The following ACVR1C variants were observed in gnomAD, a reference collection of about 807,000 sequenced individuals.
ACVR1C encodes the protein activin A receptor type 1C.
A neutral mutation model predicts 57.9 loss-of-function variants in ACVR1C; 23 were observed. The ratio of observed to expected loss-of-function variants is 0.40; its 90% CI spans 0.29 to 0.56. The LOEUF (loss-of-function observed/expected upper bound fraction) is 0.56, where lower values mean the gene tolerates loss of function less well. Ranked by LOEUF, ACVR1C falls within the 20% of genes least tolerant of loss-of-function variation. ACVR1C has a pLI of 0.50. For missense variants in ACVR1C, 480 were observed against 607.9 expected, an observed-to-expected ratio of 0.79 and a Z score of 2.21; for synonymous variants, 214 against 215.3, an observed-to-expected ratio of 0.99 and a Z score of 0.05.
chr2:157,561,107 A>G (rs1688222734), intron 2 of ACVR1C, among the ~76,000 whole-genome samples: 1 of 152,186 alleles, frequency 6.6e-6, no homozygotes, highest in Non-Finnish European at 1.5e-5. Flanking sequence ...TCATCCAAAC[A>G]AAGTCCATTC....
At chr2:157,543,186 G>A (rs1032729891) in intron 5 of ACVR1C, among the ~76,000 whole-genome samples, 1 of 152,162 alleles carries the variant, frequency 6.6e-6, no homozygotes, top group Non-Finnish European at 1.5e-5. Context: ...TAAGAACATG[G>A]CAAATATTGT....
At chr2:157,554,283 GAGAGAGAGAGAGA>G (rs1688027254) in intron 3 of ACVR1C, among the ~76,000 whole-genome samples, 1 of 109,962 alleles carries the variant, frequency 9.1e-6, no homozygotes, top group African/African-American at 4.6e-5. Context: ...AAGGAAGGAA[GAGAGAGAGAGAGA>G]GAAAGAAAGA....
At position 157,589,521 on chromosome 2, in the gene ACVR1C, G is replaced by A. The variant is rs375727543; in HGVS notation, c.74-2104C>T. Reference sequence around the variant, plus strand: ...TGTTAATTATTTCTTTGGTTGTGCAGAGATATAGATGACACAAACAAATGG... The same window carrying A: ...TGTTAATTATTTCTTTGGTTGTGCAAAGATATAGATGACACAAACAAATGG... On this transcript the variant is annotated intron_variant, in intron 1 of 8. Transcript: ENST00000243349. Among the ~76,000 whole-genome samples the A allele has an allele frequency of 5.3e-5, 8 of 151,712 alleles. No individual in the cohort carries two copies. The East Asian group carries it at 1.2e-3, about 22-fold the overall frequency.
At chr2:157,599,439 G>C (rs1558992794) in intron 1 of ACVR1C, among the ~76,000 whole-genome samples, 1 of 148,804 alleles carries the variant, frequency 6.7e-6, no homozygotes, top group African/African-American at 2.5e-5. Context: ...GGACATCTCT[G>C]CCCACGGAAC....
At chr2:157,602,623 A>T (rs1321177651) in intron 1 of ACVR1C, among the ~76,000 whole-genome samples, 1 of 152,190 alleles carries the variant, frequency 6.6e-6, no homozygotes, top group Non-Finnish European at 1.5e-5. Context: ...AAAGTAAAAA[A>T]CAGAAATAGA....
intron 1 of ACVR1C, among the ~76,000 whole-genome samples, chr2:157,609,723 T>C (rs949314993): frequency 5.9e-5 from 9 of 152,034 alleles, no homozygotes; most frequent in Non-Finnish European, 8.8e-5. Flanking sequence ...CTTTGTCTTC[T>C]TTTTTACTGT....
At chr2:157,623,518 A>G (rs1247657170) in intron 1 of ACVR1C, among the ~76,000 whole-genome samples, 1 of 152,028 alleles carries the variant, frequency 6.6e-6, no homozygotes, top group Non-Finnish European at 1.5e-5. Flanking sequence ...AAAGACAAAC[A>G]TGACATGTTC....
chr2:157,616,054 T>C (rs1047490321), intron 1 of ACVR1C, among the ~76,000 whole-genome samples: 3 of 152,194 alleles, frequency 2.0e-5, no homozygotes, highest in African/African-American at 7.2e-5. Context: ...GTTTGATGTC[T>C]TTCATTATAT....
chr2:157,552,712 G>A (rs974665219), intron 3 of ACVR1C, among the ~76,000 whole-genome samples: 2 of 152,070 alleles, frequency 1.3e-5, no homozygotes, highest in Non-Finnish European at 2.9e-5. Flanking sequence ...AACAAAGTAA[G>A]ACAACAATAT....
intron 2 of ACVR1C, among the ~76,000 whole-genome samples, chr2:157,585,463 A>T (rs2105254776): frequency 6.6e-6 from 1 of 152,288 alleles, no homozygotes; most frequent in African/African-American, 2.4e-5. Flanking sequence ...TGGGCTGGGA[A>T]GGACCTACAT....
chr2:157,584,831 A>G (rs947837997), intron 2 of ACVR1C, among the ~76,000 whole-genome samples: 5 of 152,222 alleles, frequency 3.3e-5, no homozygotes, highest in Non-Finnish European at 7.3e-5. Flanking sequence ...AACAATCTGA[A>G]TGCACGTCAA....
chr2:157,545,893 ACCT>A (rs946645944), intron 4 of ACVR1C, among the ~76,000 whole-genome samples: 3 of 151,652 alleles, frequency 2.0e-5, no homozygotes, highest in African/African-American at 7.3e-5. Flanking sequence ...TCCTGCCCCC[ACCT>A]CCTGAGTAGC....
chr2:157,544,369 C>G (rs1687692324), intron 5 of ACVR1C, 76 bp downstream of exon 5: 1 of 1,348,476 alleles, frequency 7.4e-7, no homozygotes, highest in Non-Finnish European at 1.0e-6. Context: ...TTAATTACTC[C>G]TAATAAATTA....
At chr2:157,612,032 C>T (rs1266949690) in intron 1 of ACVR1C, among the ~76,000 whole-genome samples, 1 of 152,188 alleles carries the variant, frequency 6.6e-6, no homozygotes, top group Non-Finnish European at 1.5e-5. Flanking sequence ...CTCTCAGGGT[C>T]TGAGAAGTGC....
chr2:157,583,818 A>C (rs1010066938), intron 2 of ACVR1C, among the ~76,000 whole-genome samples: 1 of 152,164 alleles, frequency 6.6e-6, no homozygotes, highest in African/African-American at 2.4e-5. Context: ...ATATGGAAAA[A>C]ATAAAACTCC....
At chr2:157,575,835 T>A (rs1490393633) in intron 2 of ACVR1C, among the ~76,000 whole-genome samples, 1 of 152,026 alleles carries the variant, frequency 6.6e-6, no homozygotes, top group African/African-American at 2.4e-5. Context: ...AAAGAATATA[T>A]GTGCAAAAAA....
intron 2 of ACVR1C, among the ~76,000 whole-genome samples, chr2:157,566,697 C>A (rs1210479872): frequency 6.6e-6 from 1 of 151,684 alleles, no homozygotes; most frequent in Admixed American, 6.6e-5. Flanking sequence ...CCACACCTGG[C>A]TCAGAGGGTC....
At chr2:157,609,188 CT>C (rs538359341) in intron 1 of ACVR1C, among the ~76,000 whole-genome samples, 2 of 151,282 alleles carry the variant, frequency 1.3e-5, no homozygotes, top group Non-Finnish European at 3.0e-5. Flanking sequence ...GGTTTCAAGA[CT>C]TTTTTTTAAA....
At chr2:157,625,666 G>A (rs1682879420) in intron 1 of ACVR1C, among the ~76,000 whole-genome samples, 1 of 152,024 alleles carries the variant, frequency 6.6e-6, no homozygotes, top group South Asian at 2.1e-4. Context: ...CTCTCACCCT[G>A]GTTATTAAGG....
Sources: gnomAD v4.1 joint callset for allele counts (sites outside exome capture counted in the v4.1 genomes callset) on GRCh38, gnomAD v4.1.1 for gene constraint, MANE v1.5 for transcripts, NCBI Gene and HGNC (gene_info 2026-07-23, HGNC 2026-07-21) for gene names.